SLCO1B3: variants seen among roughly 807,000 people sequenced by gnomAD.
The protein encoded by SLCO1B3 is liver-specific organic anion transporter 2.
SLCO1B3 carries 72 observed loss-of-function variants against 71.8 expected under a neutral mutation model. The ratio of observed to expected loss-of-function variants is 1.00; its 90% CI spans 0.83 to 1.22. The LOEUF (loss-of-function observed/expected upper bound fraction) is 1.22, where lower values mean the gene tolerates loss of function less well. SLCO1B3 is among the 50% of genes most tolerant of loss of function. SLCO1B3 has a pLI of 0.00. For synonymous variants in SLCO1B3, 298 were observed against 278.4 expected (o/e 1.07, Z -0.70); for missense variants, 911 against 819.7 (o/e 1.11, Z -1.36).
At chr12:20,904,238 TAAAAAA>T (rs71043217) in intron 15 of SLCO1B3, among the ~76,000 whole-genome samples, 1 of 143,238 alleles carries the variant, frequency 7.0e-6, no homozygotes, top group African/African-American at 2.6e-5. Context: ...AGACTCTGTC[TAAAAAA>T]AAAAAAAATT....
intron 15 of SLCO1B3, among the ~76,000 whole-genome samples, chr12:20,911,750 C>G (rs929822894): frequency 6.6e-6 from 1 of 152,172 alleles, no homozygotes; most frequent in Non-Finnish European, 1.5e-5. Context: ...CCCTTTTGAT[C>G]CTTTTAAGGT....
At chr12:20,898,073 A>G (rs1866051148) in intron 13 of SLCO1B3, among the ~76,000 whole-genome samples, 1 of 152,220 alleles carries the variant, frequency 6.6e-6, no homozygotes, top group Non-Finnish European at 1.5e-5. Flanking sequence ...GGATAAAAGT[A>G]TATAATCCTT....
chr12:20,914,749 G>T (rs971584751), intron 15 of SLCO1B3, among the ~76,000 whole-genome samples: 4 of 151,894 alleles, frequency 2.6e-5, no homozygotes, highest in Non-Finnish European at 5.9e-5. Context: ...TCTTTATTTC[G>T]ACTTAGCTTT....
At chr12:20,860,509 C>T (rs1405041722) in intron 5 of SLCO1B3, among the ~76,000 whole-genome samples, 1 of 151,968 alleles carries the variant, frequency 6.6e-6, no homozygotes, top group Non-Finnish European at 1.5e-5. Context: ...GTCCCTGATC[C>T]AGCTCCATCT....
intron 10 of SLCO1B3, 114 bp downstream of exon 10, chr12:20,878,050 T>C (rs1865618119): frequency 7.3e-6 from 5 of 686,316 alleles, no homozygotes; most frequent in Non-Finnish European, 1.2e-5. Context: ...TGTAATCTTA[T>C]TATGTCTCAA....
intron 15 of SLCO1B3, among the ~76,000 whole-genome samples, chr12:20,911,406 T>C (rs1340226666): frequency 1.3e-5 from 2 of 152,152 alleles, no homozygotes. Context: ...GTAGTTTTCT[T>C]TTCTTGTAAT....
intron 3 of SLCO1B3, among the ~76,000 whole-genome samples, chr12:20,816,180 C>T (rs2121071561): frequency 6.6e-6 from 1 of 152,174 alleles, no homozygotes; most frequent in African/African-American, 2.4e-5. Context: ...CATCCATTTC[C>T]TCAAGCATTT....
intron 3 of SLCO1B3, among the ~76,000 whole-genome samples, chr12:20,829,227 A>T (rs1251071934): frequency 1.3e-5 from 2 of 152,232 alleles, no homozygotes; most frequent in Non-Finnish European, 2.9e-5. Context: ...AATTAAGGCC[A>T]GCTAGTTGCT....
At chr12:20,887,694 T>C (rs1865819469) in intron 13 of SLCO1B3, among the ~76,000 whole-genome samples, 1 of 151,594 alleles carries the variant, frequency 6.6e-6, no homozygotes, top group Admixed American at 6.6e-5. Flanking sequence ...ATTATTATTA[T>C]TATTTTTTTT....
At chr12:20,876,840 T>A (rs899927085) in intron 9 of SLCO1B3, among the ~76,000 whole-genome samples, 9 of 152,140 alleles carry the variant, frequency 5.9e-5, no homozygotes, top group Admixed American at 5.9e-4. Flanking sequence ...TTGATGAATT[T>A]TTTTTTTTGA....
intron 13 of SLCO1B3, 80 bp downstream of exon 13, chr12:20,883,682 G>C (rs1049989105): frequency 2.2e-6 from 2 of 927,732 alleles, no homozygotes; most frequent in African/African-American, 1.8e-5. Flanking sequence ...TCTGTATTTT[G>C]AGCTCAAATT....
chr12:20,851,871 T>G (rs967069794), intron 3 of SLCO1B3, among the ~76,000 whole-genome samples: 1 of 151,140 alleles, frequency 6.6e-6, no homozygotes, highest in African/African-American at 2.4e-5. Flanking sequence ...TTCCTTTGTA[T>G]GTGGATACCC....
chr12:20,855,076 G>A lies in SLCO1B3; in HGVS notation c.133G>A (p.Gly45Arg). The A allele has an allele frequency of 6.2e-7, 1 of 1,611,810 alleles. No homozygotes were observed. Among genetic ancestry groups the A allele is most frequent in the East Asian group, 2.2e-5 (1 of 44,836 alleles). Residue 45 changes from glycine (G) to arginine (R), a missense_variant, in exon 4 of 16, where the codon GGA becomes AGA. Coordinates refer to ENST00000381545, the MANE Select transcript of SLCO1B3 (RefSeq NM_019844.4). ...CAGCTATATTGCTAAAGCACTAGGT[G>A]GAATCATTATGAAAATTTCCATCAC... ...SFSYIAKALGGIIMKISITQI... is the reference protein window; with the variant it reads ...SFSYIAKALGRIIMKISITQI...
intron 8 of SLCO1B3, among the ~76,000 whole-genome samples, chr12:20,872,220 C>T (rs1865488879): frequency 6.6e-6 from 1 of 152,004 alleles, no homozygotes; most frequent in Non-Finnish European, 1.5e-5. Context: ...TCAATTAAAG[C>T]TCTAGGGCTC....
intron 9 of SLCO1B3, among the ~76,000 whole-genome samples, chr12:20,875,723 CTG>C (rs1267562097): frequency 1.3e-5 from 2 of 152,102 alleles, no homozygotes; most frequent in Non-Finnish European, 2.9e-5. Context: ...CTACAAACAT[CTG>C]TTGCTTATAA....
At chr12:20,908,676 TA>T (rs528134516) in intron 15 of SLCO1B3, among the ~76,000 whole-genome samples, 127 of 152,326 alleles carry the variant, frequency 8.3e-4, no homozygotes, top group African/African-American at 2.9e-3. Flanking sequence ...AACTCAGTAA[TA>T]TGCATTTAAG....
chr12:20,829,578 T>G (rs1051606646), intron 3 of SLCO1B3, among the ~76,000 whole-genome samples: 1 of 152,118 alleles, frequency 6.6e-6, no homozygotes, highest in Non-Finnish European at 1.5e-5. Flanking sequence ...AAATGTGCAA[T>G]TGGTTTTGTT....
intron 4 of SLCO1B3, among the ~76,000 whole-genome samples, chr12:20,856,814 C>G (rs2121231473): frequency 6.6e-6 from 1 of 152,294 alleles, no homozygotes; most frequent in East Asian, 1.9e-4. Context: ...CTAGCCTCAG[C>G]CTTTCAGAGT....
At chr12:20,826,835 G>A (rs892084274) in intron 3 of SLCO1B3, among the ~76,000 whole-genome samples, 12 of 151,652 alleles carry the variant, frequency 7.9e-5, no homozygotes, top group Non-Finnish European at 1.3e-4. Context: ...TTTAGCCTTT[G>A]TATTAGACAA....
Sources: gnomAD v4.1 joint callset for allele counts (sites outside exome capture counted in the v4.1 genomes callset) on GRCh38, gnomAD v4.1.1 for gene constraint, MANE v1.5 for transcripts, NCBI Gene and HGNC (gene_info 2026-07-23, HGNC 2026-07-21) for gene names.